Variants in CCDC7 observed in about 807,000 individuals in gnomAD.
The protein encoded by CCDC7 is coiled-coil domain containing 7, also known as coiled-coil domain-containing protein 7.
Under a neutral mutation model 196.9 loss-of-function variants are expected in CCDC7, and 183 were observed. The observed-to-expected ratio is 0.93, with a 90% CI of 0.82 to 1.05. The LOEUF (loss-of-function observed/expected upper bound fraction) is 1.05. Among genes scored for constraint, CCDC7 ranks in the 50% least tolerant of loss-of-function variants. The pLI is 0.00. For synonymous variants in CCDC7, 525 were observed against 484.6 expected (o/e 1.08, Z -1.10); for missense variants, 1,540 against 1,482.2 (o/e 1.04, Z -0.64).
intron 20 of CCDC7, among the ~76,000 whole-genome samples, chr10:32,643,497 TTTAAAATTATTGTAA>T (rs2067209697): frequency 6.6e-6 from 1 of 152,082 alleles, no homozygotes; most frequent in African/African-American, 2.4e-5. Context: ...AATGTTTTAA[TTTAAAATTATTGTAA>T]TTATTGACAC....
intron 21 of CCDC7, among the ~76,000 whole-genome samples, chr10:32,664,616 CT>C (rs1362917648): frequency 6.6e-6 from 1 of 151,988 alleles, no homozygotes; most frequent in African/African-American, 2.4e-5. Context: ...GACTGGCTTA[CT>C]TTATTTAACA....
At chr10:32,638,023 T>C (rs2065971250) in intron 20 of CCDC7, among the ~76,000 whole-genome samples, 1 of 152,180 alleles carries the variant, frequency 6.6e-6, no homozygotes, top group African/African-American at 2.4e-5. Context: ...ATGATTTGGC[T>C]CTCTGTTTGT....
chr10:32,524,668 G>T (rs1469249672), intron 11 of CCDC7, among the ~76,000 whole-genome samples: 1 of 152,138 alleles, frequency 6.6e-6, no homozygotes, highest in African/African-American at 2.4e-5. Context: ...TAGGGTAAAA[G>T]GTTTTTTCCT....
intron 9 of CCDC7, among the ~76,000 whole-genome samples, chr10:32,500,811 G>A (rs533212832): frequency 4.6e-5 from 7 of 152,358 alleles, no homozygotes; most frequent in South Asian, 2.1e-4. Context: ...TCGGGAGGCC[G>A]AGGCAGGCAG....
intron 29 of CCDC7, among the ~76,000 whole-genome samples, chr10:32,792,964 A>G (rs2082958062): frequency 6.6e-6 from 1 of 152,224 alleles, no homozygotes; most frequent in South Asian, 2.1e-4. Context: ...GAAACAAATA[A>G]CAAAATGATA....
chr10:32,632,506 C>T (rs1268567177), intron 18 of CCDC7, among the ~76,000 whole-genome samples: 1 of 151,482 alleles, frequency 6.6e-6, no homozygotes, highest in Non-Finnish European at 1.5e-5. Context: ...TTAATGTCCT[C>T]TTCTTTTTCT....
At chr10:32,469,335 A>G (rs528351178) in intron 5 of CCDC7, among the ~76,000 whole-genome samples, 10 of 152,280 alleles carry the variant, frequency 6.6e-5, no homozygotes, top group Non-Finnish European at 1.5e-4. Context: ...AACAACTTCA[A>G]CTCCTAGGAT....
chr10:32,560,476 A>G (rs10827078), intron 13 of CCDC7, among the ~76,000 whole-genome samples: 67,836 of 151,904 alleles, frequency 0.45, 15,900 homozygotes, highest in East Asian at 0.58. Flanking sequence ...CGGATCTCTC[A>G]GCAGAAACTC....
intron 40 of CCDC7, among the ~76,000 whole-genome samples, chr10:32,853,791 A>T (rs2488296): frequency 0.34 from 52,129 of 152,074 alleles, 11,329 homozygotes; most frequent in Non-Finnish European, 0.49. Context: ...AAAAATTTGC[A>T]TTTTAATTAT....
At chr10:32,697,980 G>T (rs1025496473) in intron 24 of CCDC7, among the ~76,000 whole-genome samples, 1 of 152,188 alleles carries the variant, frequency 6.6e-6, no homozygotes, top group African/African-American at 2.4e-5. Flanking sequence ...GCTTCCAGAG[G>T]AAGGATCAGG....
chr10:32,576,948 T>C (rs1354718984), intron 16 of CCDC7, among the ~76,000 whole-genome samples: 2 of 152,266 alleles, frequency 1.3e-5, no homozygotes, highest in African/African-American at 4.8e-5. Flanking sequence ...ATGTCACATG[T>C]TTTCCTTTAG....
chr10:32,494,760 G>A (rs2042655597), intron 9 of CCDC7, among the ~76,000 whole-genome samples: 3 of 151,318 alleles, frequency 2.0e-5, no homozygotes, highest in South Asian at 4.2e-4. Flanking sequence ...ATTCCATGGT[G>A]TATATGTGCC....
intron 20 of CCDC7, among the ~76,000 whole-genome samples, chr10:32,653,280 G>A (rs2069116372): frequency 6.6e-6 from 1 of 152,078 alleles, no homozygotes; most frequent in Non-Finnish European, 1.5e-5. Flanking sequence ...CTCCCTATGT[G>A]AGCACTGGCC....
At chr10:32,747,894 C>A (rs2075052419) in intron 28 of CCDC7, among the ~76,000 whole-genome samples, 1 of 152,134 alleles carries the variant, frequency 6.6e-6, no homozygotes, top group Admixed American at 6.5e-5. Context: ...ATCATCCTAC[C>A]ATAAAGACAC....
At chr10:32,576,422 G>A (rs1397627144) in intron 16 of CCDC7, among the ~76,000 whole-genome samples, 2 of 151,994 alleles carry the variant, frequency 1.3e-5, no homozygotes, top group African/African-American at 2.4e-5. Context: ...TGCTTGGTAC[G>A]GTAGCCTATA....
intron 11 of CCDC7, among the ~76,000 whole-genome samples, chr10:32,536,718 T>C (rs1252821633): frequency 6.6e-6 from 1 of 152,168 alleles, no homozygotes; most frequent in Admixed American, 6.5e-5. Flanking sequence ...CTAGAATCCA[T>C]GTGGTCTTGT....
At chr10:32,455,525 CAG>C (rs1251742030) in intron 2 of CCDC7, among the ~76,000 whole-genome samples, 7 of 152,060 alleles carry the variant, frequency 4.6e-5, no homozygotes, top group African/African-American at 1.4e-4. Context: ...CCATGCTGGC[CAG>C]GCTGGTCTTG....
At chr10:32,863,031 T>A (rs1258128296) in intron 41 of CCDC7, among the ~76,000 whole-genome samples, 1 of 152,086 alleles carries the variant, frequency 6.6e-6, no homozygotes, top group Non-Finnish European at 1.5e-5. Context: ...AAATATTCAG[T>A]GTTCATGGAT....
chr10:32,685,687 T>G (rs1303809140), intron 21 of CCDC7, among the ~76,000 whole-genome samples: 4 of 152,220 alleles, frequency 2.6e-5, no homozygotes, highest in Non-Finnish European at 5.9e-5. Context: ...TTGTTTGGTT[T>G]ATGACATCTA....
Sources: gnomAD v4.1 joint callset for allele counts (sites outside exome capture counted in the v4.1 genomes callset) on GRCh38, gnomAD v4.1.1 for gene constraint, MANE v1.5 for transcripts, NCBI Gene and HGNC (gene_info 2026-07-23, HGNC 2026-07-21) for gene names.